Variants in CENPP observed in about 807,000 individuals in gnomAD.
CENPP encodes centromere protein P.
CENPP carries 24 observed loss-of-function variants against 35.6 expected under a neutral mutation model. That is an observed-to-expected ratio of 0.67 (90% CI 0.49 to 0.95). The LOEUF is 0.95. Ranked by LOEUF, CENPP falls within the 40% of genes least tolerant of loss-of-function variation. The pLI is 0.00. For synonymous variants in CENPP, 120 were observed against 125.5 expected (o/e 0.96, Z 0.29); for missense variants, 332 against 345.3 (o/e 0.96, Z 0.31).
chr9:92,352,604 C>T (rs1456280677), intron 4 of CENPP, among the ~76,000 whole-genome samples: 1 of 145,408 alleles, frequency 6.9e-6, no homozygotes, highest in African/African-American at 2.6e-5. Flanking sequence ...AGGCCGTCTG[C>T]AGGCTGAGGA....
At chr9:92,381,883 CTTG>C (rs1237953446) in intron 5 of CENPP, among the ~76,000 whole-genome samples, 4 of 144,514 alleles carry the variant, frequency 2.8e-5, no homozygotes, top group Non-Finnish European at 4.5e-5. Context: ...TACTTTAATA[CTTG>C]TTATTTTCTG....
rs536160985 is a variant in CENPP, at chr9:92,468,768, C to CAGT, written c.564+88911_564+88913dup. On this transcript the variant is annotated intron_variant, in intron 5 of 7. Coordinates refer to ENST00000375587, the MANE Select transcript of CENPP (RefSeq NM_001012267.3). The stretch of plus-strand genomic sequence containing the variant: ...GGTCAGTCTGCTAATAGTAGCTTGG[C>CAGT]AGTAATACTACTTAACAGCTGGGGG... Among the ~76,000 whole-genome samples, 54 of 152,282 alleles carry CAGT rather than the reference C, an allele frequency of 3.5e-4. 1 individual carries two copies. The East Asian group carries it at 0.01, about 28-fold the overall frequency.
chr9:92,556,518 G>T (rs1282478822), intron 5 of CENPP, among the ~76,000 whole-genome samples: 2 of 152,218 alleles, frequency 1.3e-5, no homozygotes, highest in Non-Finnish European at 2.9e-5. Context: ...GAGCACCAGT[G>T]TTAGGTGCAA....
chr9:92,371,991 G>A (rs551904496), intron 4 of CENPP, among the ~76,000 whole-genome samples: 2 of 127,756 alleles, frequency 1.6e-5, no homozygotes, highest in Admixed American at 8.4e-5. Flanking sequence ...TCAGCTTCCC[G>A]AGACTCGTGC....
intron 5 of CENPP, among the ~76,000 whole-genome samples, chr9:92,604,605 AT>A (rs1230439232): frequency 2.6e-5 from 4 of 151,792 alleles, no homozygotes; most frequent in Non-Finnish European, 5.9e-5. Context: ...AGTTTTATTT[AT>A]TTTTTGAGAT....
intron 5 of CENPP, among the ~76,000 whole-genome samples, chr9:92,559,192 C>T (rs1405300428): frequency 6.6e-6 from 1 of 152,174 alleles, no homozygotes; most frequent in East Asian, 1.9e-4. Context: ...ATTCATTCTC[C>T]CTGTGGAGTT....
intron 5 of CENPP, among the ~76,000 whole-genome samples, chr9:92,524,417 T>C (rs1588229277): frequency 6.6e-6 from 1 of 152,332 alleles, no homozygotes; most frequent in South Asian, 2.1e-4. Flanking sequence ...CTGTGAAGTC[T>C]GGTGGCCAGG....
At chr9:92,356,011 A>G (rs1203989751) in intron 4 of CENPP, among the ~76,000 whole-genome samples, 2 of 152,354 alleles carry the variant, frequency 1.3e-5, no homozygotes, top group East Asian at 3.9e-4. Context: ...TTTTCATATC[A>G]TATCAGAATA....
At chr9:92,545,797 C>G (rs1466586751) in intron 5 of CENPP, among the ~76,000 whole-genome samples, 1 of 152,196 alleles carries the variant, frequency 6.6e-6, no homozygotes, top group Non-Finnish European at 1.5e-5. Context: ...CACTCCGTGT[C>G]TAGCTCAAGG....
intron 5 of CENPP, among the ~76,000 whole-genome samples, chr9:92,508,945 TAAAAA>T (rs1847172985): frequency 6.6e-6 from 1 of 151,998 alleles, no homozygotes; most frequent in Admixed American, 6.5e-5. Context: ...ATTAGGAAGA[TAAAAA>T]GAAAAGGTAG....
intron 4 of CENPP, among the ~76,000 whole-genome samples, chr9:92,346,691 G>A (rs1841304002): frequency 6.6e-6 from 1 of 152,224 alleles, no homozygotes; most frequent in Admixed American, 6.5e-5. Context: ...ATTGATACAA[G>A]TGAGTCAATG....
At chr9:92,567,693 A>C (rs1850029520) in intron 5 of CENPP, among the ~76,000 whole-genome samples, 1 of 152,114 alleles carries the variant, frequency 6.6e-6, no homozygotes, top group Non-Finnish European at 1.5e-5. Flanking sequence ...GGGACTCACT[A>C]TGTATACAGA....
chr9:92,580,445 G>A lies in CENPP; in HGVS notation c.565-30869G>A, dbSNP rs545518881. Reference sequence around the variant, plus strand: ...TCCATCTGGTCCTGGACTCTTTTTGGTTGGTAAGCTATTGATTATTGCCAC... The same window carrying A: ...TCCATCTGGTCCTGGACTCTTTTTGATTGGTAAGCTATTGATTATTGCCAC... On this transcript the variant is annotated intron_variant, in intron 5 of 7. Transcript: ENST00000375587. Among the ~76,000 whole-genome samples the A allele has an allele frequency of 5.6e-4, 85 of 152,224 alleles. 1 individual carries two copies. The East Asian group carries it at 0.016, about 29-fold the overall frequency.
chr9:92,520,574 A>G (rs1424468829), intron 5 of CENPP, among the ~76,000 whole-genome samples: 2 of 152,212 alleles, frequency 1.3e-5, no homozygotes, highest in East Asian at 3.8e-4. Flanking sequence ...TTAAATATAG[A>G]ATTACCAAAT....
rs1390433910 is a variant in CENPP at position 92,451,051 on chromosome 9, G to C, written c.564+71192G>C. Among the ~76,000 whole-genome samples the C allele has an allele frequency of 2.6e-5, 4 of 151,334 alleles. No homozygotes were observed. In the East Asian group the frequency reaches 7.7e-4, roughly 29 times the overall value. On this transcript the variant is annotated intron_variant, in intron 5 of 7. Coordinates refer to ENST00000375587, the MANE Select transcript of CENPP (RefSeq NM_001012267.3). ...TTTTCTCCCATTCTGTAGGTTGCCT[G>C]TTCACTCTGATGGTAGTTTCTTTTG...
intron 5 of CENPP, among the ~76,000 whole-genome samples, chr9:92,473,011 G>T (rs1845584030): frequency 6.6e-6 from 1 of 152,138 alleles, no homozygotes; most frequent in South Asian, 2.1e-4. Flanking sequence ...GTCACGTTTT[G>T]GGGGAGGTAG....
At position 92,404,569 on chromosome 9, in the gene CENPP, G is replaced by A. The variant is rs1261603378; in HGVS notation, c.564+24710G>A. The stretch of plus-strand genomic sequence containing the variant: ...ATGTCTGTGCATTAGCCCCAAGTGG[G>A]AGGGTGAATGAGAAAAGCTATGTCT... On this transcript the variant is annotated intron_variant, in intron 5 of 7. Transcript: ENST00000375587. 1.2e-5 allele frequency: 16 copies of A among 1,293,502 alleles called. No homozygotes were observed. The Admixed American group carries it at 4.0e-4, about 32-fold the overall frequency. 80.1% of individuals were successfully genotyped at this position (1,293,502 alleles called of 1,614,324 possible).
At chr9:92,355,060 G>A (rs1181542905) in intron 4 of CENPP, among the ~76,000 whole-genome samples, 1 of 152,070 alleles carries the variant, frequency 6.6e-6, no homozygotes, top group African/African-American at 2.4e-5. Context: ...TACTGATAAG[G>A]GTCCATGTTC....
chr9:92,373,090 G>A (rs1307287445), intron 4 of CENPP, among the ~76,000 whole-genome samples: 1 of 151,832 alleles, frequency 6.6e-6, no homozygotes, highest in Non-Finnish European at 1.5e-5. Flanking sequence ...TGTAAATTTG[G>A]TCACTTCATG....
Sources: allele counts gnomAD v4.1 joint callset (sites outside exome capture counted in the v4.1 genomes callset), GRCh38; gene constraint gnomAD v4.1.1; transcripts MANE v1.5; gene names NCBI Gene and HGNC (gene_info 2026-07-23, HGNC 2026-07-21).